RELL1: variants seen among roughly 807,000 people sequenced by gnomAD.
RELL1 encodes the protein RELT-like protein 1.
Under a neutral mutation model 23.0 loss-of-function variants are expected in RELL1, and 10 were observed. The observed-to-expected ratio is 0.43, with a 90% CI of 0.27 to 0.74. The LOEUF is 0.74. Ranked by LOEUF, RELL1 falls within the 30% of genes least tolerant of loss-of-function variation. The pLI, the probability that RELL1 is intolerant of heterozygous loss-of-function variation, is 0.19. For synonymous variants in RELL1, 146 were observed against 146.8 expected (o/e 0.99, Z 0.04); for missense variants, 315 against 364.4 (o/e 0.86, Z 1.10).
At chr4:37,667,691 G>C (rs146044311) in intron 1 of RELL1, among the ~76,000 whole-genome samples, 113 of 151,844 alleles carry the variant, frequency 7.4e-4, no homozygotes, top group African/African-American at 2.5e-3. Context: ...TTATTAGGAA[G>C]AGAAGGTACA....
At chr4:37,680,654 A>G (rs1471690342) in intron 1 of RELL1, among the ~76,000 whole-genome samples, 1 of 152,150 alleles carries the variant, frequency 6.6e-6, no homozygotes, top group Non-Finnish European at 1.5e-5. Flanking sequence ...TAAGAACGCA[A>G]TTACAGGCTC....
chr4:37,631,227 T>C (rs1048065194), intron 6 of RELL1, among the ~76,000 whole-genome samples, 158 bp downstream of exon 6: 1 of 152,114 alleles, frequency 6.6e-6, no homozygotes, highest in Non-Finnish European at 1.5e-5. Context: ...AGACAAGTAA[T>C]CATGTTCAGT....
At chr4:37,662,501 C>CA (rs761782823) in intron 1 of RELL1, among the ~76,000 whole-genome samples, 6 of 151,222 alleles carry the variant, frequency 4.0e-5, no homozygotes, top group Non-Finnish European at 7.4e-5. Flanking sequence ...CTGGGGCACT[C>CA]AGAGCATTCC....
chr4:37,619,268 C>T (rs1359447208), intron 6 of RELL1, among the ~76,000 whole-genome samples: 7 of 151,934 alleles, frequency 4.6e-5, no homozygotes, highest in Non-Finnish European at 1.0e-4. Context: ...CTGCAACCTC[C>T]GCCTCCCAAG....
intron 6 of RELL1, among the ~76,000 whole-genome samples, chr4:37,620,488 C>T (rs972172903): frequency 1.3e-5 from 2 of 152,196 alleles, no homozygotes; most frequent in Non-Finnish European, 2.9e-5. Flanking sequence ...CCTGGAAAAA[C>T]AAGGATTCAA....
Position 37,676,783 on chromosome 4 carries a change from T to C in RELL1, c.88+9417A>G, listed in dbSNP as rs559404997. Among the ~76,000 whole-genome samples the C allele has an allele frequency of 5.9e-5, 9 of 152,292 alleles. No individual in the cohort carries two copies. The South Asian group carries it at 1.7e-3, about 28-fold the overall frequency. On this transcript the variant is annotated intron_variant, in intron 1 of 6. Coordinates refer to ENST00000454158, the MANE Select transcript of RELL1 (RefSeq NM_001085400.2). ...GAAACAGTAACTCTTCACTTTATTA[T>C]AAAGAAAAAGCTTTGGACCAAGAGT...
At chr4:37,663,339 T>C (rs780751515) in intron 1 of RELL1, among the ~76,000 whole-genome samples, 9 of 152,218 alleles carry the variant, frequency 5.9e-5, no homozygotes, top group Non-Finnish European at 1.3e-4. Context: ...CTCTGACTAA[T>C]GGCTCTTGCG....
rs13150138 is a variant in RELL1 at position 37,591,016 on chromosome 4, C to T, written c.*205G>A. ...GACTGATTAGGGGAGGGGATTTGCA[C>T]AGGGAGGTAAGCTGGTGTCATGCTG... On this transcript the variant is annotated 3_prime_UTR_variant, in exon 7 of 7. Coordinates refer to the RELL1 transcript ENST00000314117. 4,746 of 1,585,268 alleles carry T rather than the reference C, an allele frequency of 3.0e-3. 7 individuals are homozygous for T. The highest frequency in any genetic ancestry group is 3.7e-3 in the Non-Finnish European group (4,318 of 1,164,424).
At chr4:37,641,344 T>C (rs1720525778) in intron 3 of RELL1, among the ~76,000 whole-genome samples, 1 of 152,210 alleles carries the variant, frequency 6.6e-6, no homozygotes, top group Admixed American at 6.5e-5. Flanking sequence ...AATCTGTCTA[T>C]TGGGAACATT....
At chr4:37,609,082 GGA>G (rs1428155997), downstream of RELL1, among the ~76,000 whole-genome samples, 2 of 152,212 alleles carry the variant, frequency 1.3e-5, no homozygotes, top group African/African-American at 4.8e-5. Flanking sequence ...AGATTTGGAA[GGA>G]GATGACATCT....
downstream of RELL1, among the ~76,000 whole-genome samples, chr4:37,609,271 AGAT>A (rs1719306671): frequency 3.3e-5 from 5 of 152,234 alleles, no homozygotes; most frequent in African/African-American, 1.2e-4. Context: ...TAAACAGCCT[AGAT>A]AACAGCACAT....
intron 6 of RELL1, among the ~76,000 whole-genome samples, chr4:37,596,738 T>TATATATATA (rs61256232): frequency 7.6e-4 from 14 of 18,496 alleles, no homozygotes; most frequent in African/African-American, 2.0e-3. Context: ...ATATATATAT[T>TATATATATA]TTTTTTTTTT....
At chr4:37,593,982 T>C (rs1328269355) in intron 6 of RELL1, among the ~76,000 whole-genome samples, 1 of 152,210 alleles carries the variant, frequency 6.6e-6, no homozygotes, top group Non-Finnish European at 1.5e-5. Context: ...ACACACACTT[T>C]CGCATTTATA....
chr4:37,626,456 C>A (rs909363772), intron 6 of RELL1, among the ~76,000 whole-genome samples: 1 of 152,046 alleles, frequency 6.6e-6, no homozygotes, highest in African/African-American at 2.4e-5. Context: ...GCAACCTGGG[C>A]GAGAGTGAGA....
At chr4:37,669,508 G>T (rs898832657) in intron 1 of RELL1, among the ~76,000 whole-genome samples, 1 of 151,882 alleles carries the variant, frequency 6.6e-6, no homozygotes, top group Non-Finnish European at 1.5e-5. Context: ...CCCTCTGCCC[G>T]GCCACCACCC....
intron 6 of RELL1, among the ~76,000 whole-genome samples, chr4:37,616,435 C>T (rs1344624313): frequency 6.6e-6 from 1 of 152,214 alleles, no homozygotes; most frequent in African/African-American, 2.4e-5. Context: ...CTGCTCCCCA[C>T]CTGTGTGGCA....
chr4:37,681,518 GTTTTTTTTTTTTTTT>G (rs55800176), intron 1 of RELL1, among the ~76,000 whole-genome samples: 3 of 56,870 alleles, frequency 5.3e-5, no homozygotes, highest in Non-Finnish European at 9.4e-5. Context: ...GTCTCCTTCT[GTTTTTTTTTTTTTTT>G]TTTTTTTTTT....
At chr4:37,603,325 T>C (rs1719066019) in intron 6 of RELL1, among the ~76,000 whole-genome samples, 1 of 152,134 alleles carries the variant, frequency 6.6e-6, no homozygotes, top group Admixed American at 6.5e-5. Context: ...TTTAGGTGTT[T>C]AGAGCTACAG....
chr4:37,615,179 C>A (rs1268908225), intron 6 of RELL1, among the ~76,000 whole-genome samples: 2 of 152,218 alleles, frequency 1.3e-5, no homozygotes, highest in African/African-American at 4.8e-5. Context: ...ATTCTCTGCT[C>A]TCAACAATCA....
Sources: gnomAD v4.1 joint callset for allele counts (sites outside exome capture counted in the v4.1 genomes callset) on GRCh38, gnomAD v4.1.1 for gene constraint, MANE v1.5 for transcripts, NCBI Gene and HGNC (gene_info 2026-07-23, HGNC 2026-07-21) for gene names.